NFIA: variants seen among roughly 807,000 people sequenced by gnomAD.
NFIA encodes the protein nuclear factor 1 A-type.
NFIA carries 8 observed loss-of-function variants against 62.8 expected under a neutral mutation model. That is an observed-to-expected ratio of 0.13 (90% CI 0.07 to 0.23). The LOEUF (loss-of-function observed/expected upper bound fraction) is 0.23. Ranked by LOEUF, NFIA falls within the 10% of genes least tolerant of loss-of-function variation. The probability of loss-of-function intolerance (pLI) is 1.00; values close to 1 mark genes in which losing one functional copy is unlikely to be tolerated. For synonymous variants in NFIA, 235 were observed against 238.1 expected, an observed-to-expected ratio of 0.99 and a Z score of 0.12; for missense variants, 410 against 642.1, an observed-to-expected ratio of 0.64 and a Z score of 3.91.
In NFIA at chr1:61,358,346, C is replaced by A. The variant is rs189861864; in HGVS notation, c.819-801C>A. ...GTGGCAAAAGAAAAAAAAAGCAATC[C>A]AAACTTTTCATTTTCTTTTCTTTTC... On this transcript the variant is annotated intron_variant, in intron 5 of 10. Transcript: ENST00000403491. Among the ~76,000 whole-genome samples the A allele has an allele frequency of 2.1e-5, 3 of 144,494 alleles. No individual in the cohort carries two copies. In the East Asian group the frequency reaches 6.1e-4, roughly 29 times the overall value. The allele number at this position is 144,494 out of a possible 152,430, so 94.8% of individuals were successfully genotyped here. A position where few individuals can be genotyped will look rare whatever the true frequency, so the allele number is the denominator to read the frequency against.
chr1:61,396,391 C>A (rs944094922), intron 7 of NFIA, among the ~76,000 whole-genome samples: 2 of 152,006 alleles, frequency 1.3e-5, no homozygotes, highest in African/African-American at 4.8e-5. Context: ...ATTACAGGCA[C>A]CTGCCACCAC....
In NFIA at chr1:61,336,056, A is replaced by C. The variant is rs143543670; in HGVS notation, c.700+3470A>C. 3.0e-3 allele frequency among the ~76,000 whole-genome samples: 457 copies of C among 152,164 alleles called. 6 individuals are homozygous for C. The highest frequency in any genetic ancestry group is 0.01 in the African/African-American group (422 of 41,514). On this transcript the variant is annotated intron_variant, in intron 4 of 10. Coordinates refer to ENST00000403491, the MANE Select transcript of NFIA (RefSeq NM_001134673.4). ...TGTTACTGTCCCTTTTTATAGATGG[A>C]GTCTGTGATGCTCCAAGAGGTTAAG...
chr1:61,352,756 T>TACACAC (rs10544967), intron 5 of NFIA, among the ~76,000 whole-genome samples, 189 bp downstream of exon 5: 2,581 of 150,546 alleles, frequency 0.017, 36 homozygotes, highest in Admixed American at 0.04. Flanking sequence ...CAAGATTAAA[T>TACACAC]ACACACACAC....
chr1:61,291,175 G>C (rs1454538096), intron 3 of NFIA, among the ~76,000 whole-genome samples: 1 of 152,210 alleles, frequency 6.6e-6, no homozygotes, highest in Non-Finnish European at 1.5e-5. Context: ...AGCCAGTCAA[G>C]ACTGGTTGTT....
At chr1:61,422,317 A>C (rs1348791101) in intron 9 of NFIA, among the ~76,000 whole-genome samples, 1 of 152,144 alleles carries the variant, frequency 6.6e-6, no homozygotes, top group Non-Finnish European at 1.5e-5. Flanking sequence ...ATATCTTAAT[A>C]TCTTCTTCTT....
At chr1:61,083,501 A>C (rs1338077634) in intron 1 of NFIA, among the ~76,000 whole-genome samples, 2 of 152,034 alleles carry the variant, frequency 1.3e-5, no homozygotes, top group Non-Finnish European at 2.9e-5. Flanking sequence ...GGACGCGGGC[A>C]GGCTGCGGCT....
chr1:61,095,745 G>A (rs2100426553), intron 2 of NFIA, among the ~76,000 whole-genome samples: 1 of 152,222 alleles, frequency 6.6e-6, no homozygotes, highest in South Asian at 2.1e-4. Flanking sequence ...TTATGACACA[G>A]GTTTAAGATT....
At chr1:61,082,070 G>C, upstream of NFIA, 1 of 1,541,330 alleles carries the variant, frequency 6.5e-7, no homozygotes, top group Non-Finnish European at 8.7e-7. Context: ...CTGCAGCGGG[G>C]GTGGGGGGAT....
At chr1:61,275,689 C>T (rs1238530336) in intron 2 of NFIA, among the ~76,000 whole-genome samples, 5 of 152,038 alleles carry the variant, frequency 3.3e-5, no homozygotes, top group Admixed American at 3.3e-4. Context: ...ATTTTGCTTT[C>T]ATTTTAGTTA....
At chr1:61,105,499 A>G (rs980749252) in intron 2 of NFIA, among the ~76,000 whole-genome samples, 2 of 151,944 alleles carry the variant, frequency 1.3e-5, no homozygotes, top group South Asian at 4.1e-4. Context: ...AGTTGATGCT[A>G]CAGAAATGAA....
rs1471715809 is a variant in NFIA, at chr1:61,456,668, TAGTA to T, written c.*1350_*1353del. 3.7e-4 allele frequency: 53 copies of T among 144,980 alleles called. No individual in the cohort carries two copies. Among genetic ancestry groups the T allele is most frequent in the African/African-American group, 1.3e-3 (51 of 38,640 alleles). 9.0% of individuals were successfully genotyped at this position (144,980 alleles called of 1,614,324 possible). ...TGAACTGGGCTATGGGAAATAATAATAGTAATAATAATAATAATAATAATGATGA... is the reference window on the plus strand; with the variant it reads ...TGAACTGGGCTATGGGAAATAATAATATAATAATAATAATAATAATGATGA... On this transcript the variant is annotated 3_prime_UTR_variant, in exon 11 of 11. Transcript: ENST00000403491.
At chr1:61,173,696 C>A (rs1378915162) in intron 2 of NFIA, among the ~76,000 whole-genome samples, 4 of 152,110 alleles carry the variant, frequency 2.6e-5, no homozygotes, top group Non-Finnish European at 5.9e-5. Flanking sequence ...GGCCCTAATT[C>A]CCCTTTATGT....
intron 3 of NFIA, among the ~76,000 whole-genome samples, chr1:61,279,945 G>T (rs140159931): frequency 3.3e-4 from 51 of 152,268 alleles, no homozygotes; most frequent in African/African-American, 1.2e-3. Context: ...TCATTTTGGG[G>T]AAATCATGTG....
chr1:61,322,081 A>G lies in NFIA; in HGVS notation c.626-10431A>G, dbSNP rs140790351. On this transcript the variant is annotated intron_variant, in intron 3 of 10. Transcript: ENST00000403491. ...AGAGTGGTAAATATACCTGTGTTCT[A>G]ATCCTAATTTTGCCACTATCTGTGT... Among the ~76,000 whole-genome samples, 3 of 152,328 alleles carry G rather than the reference A, an allele frequency of 2.0e-5. No individual in the cohort carries two copies. In the East Asian group the frequency reaches 5.8e-4, roughly 29 times the overall value.
At chr1:61,388,065 G>T (rs1289120733) in intron 7 of NFIA, among the ~76,000 whole-genome samples, 2 of 152,160 alleles carry the variant, frequency 1.3e-5, no homozygotes, top group Non-Finnish European at 2.9e-5. Context: ...CTTTCTTTAT[G>T]GCTTTGATAA....
chr1:61,104,309 TC>T (rs1025495806), intron 2 of NFIA, among the ~76,000 whole-genome samples: 1 of 152,064 alleles, frequency 6.6e-6, no homozygotes. Context: ...TGTATGTCTG[TC>T]CTCACTTATC....
chr1:61,455,209 C>CGT, intron 10 of NFIA, 94 bp from the exon 11 acceptor site: 1 of 1,333,632 alleles, frequency 7.5e-7, no homozygotes, highest in Non-Finnish European at 1.1e-6. Context: ...GCATCCCTAA[C>CGT]GTAGATCCTG....
chr1:61,083,502 G>A (rs1646158412), intron 1 of NFIA, among the ~76,000 whole-genome samples: 1 of 152,056 alleles, frequency 6.6e-6, no homozygotes, highest in South Asian at 2.1e-4. Context: ...GACGCGGGCA[G>A]GCTGCGGCTA....
rs186675725 is a variant in NFIA at position 61,316,983 on chromosome 1, A to G, written c.626-15529A>G. Among the ~76,000 whole-genome samples the G allele has an allele frequency of 2.8e-4, 43 of 152,308 alleles. 2 individuals carry two copies. In the East Asian group the frequency reaches 8.1e-3, roughly 29 times the overall value. ...AGTGTTAATATTAATTGCTTATTTTATATGCCTTTTTATACCATCTGAAGT... is the reference window on the plus strand; with the variant it reads ...AGTGTTAATATTAATTGCTTATTTTGTATGCCTTTTTATACCATCTGAAGT... On this transcript the variant is annotated intron_variant, in intron 3 of 10. Transcript: ENST00000403491.
Sources: gnomAD v4.1 joint callset for allele counts (sites outside exome capture counted in the v4.1 genomes callset) on GRCh38, gnomAD v4.1.1 for gene constraint, MANE v1.5 for transcripts, NCBI Gene and HGNC (gene_info 2026-07-23, HGNC 2026-07-21) for gene names.